CRB1: variants seen among roughly 807,000 people sequenced by gnomAD.
CRB1 encodes the protein protein crumbs homolog 1.
CRB1 carries 83 observed loss-of-function variants against 120.0 expected under a neutral mutation model. The observed-to-expected ratio is 0.69, with a 90% CI of 0.58 to 0.83. The LOEUF is 0.83. CRB1 is among the 40% of genes least tolerant of loss of function. CRB1 has a pLI of 0.00. For synonymous variants in CRB1, 625 were observed against 612.5 expected, an observed-to-expected ratio of 1.02 and a Z score of -0.30; for missense variants, 1,699 against 1,687.6, an observed-to-expected ratio of 1.01 and a Z score of -0.12.
At position 197,434,956 on chromosome 1, in the gene CRB1, T is replaced by A; in HGVS notation, c.3093T>A (p.Asp1031Glu). 2 of 1,613,970 alleles carry A rather than the reference T, an allele frequency of 1.2e-6. No individual in the cohort carries two copies. The highest frequency in any genetic ancestry group is 1.7e-6 in the Non-Finnish European group (2 of 1,179,894). ...TGACAAGTTTGCAGTCAGTGAATGA[T>A]GGCACATGGCACGAAGTGACCCTTT... ...LSLTSLQSVN[D>E]GTWHEVTLSM... Residue 1031 changes from aspartate to glutamate, a missense_variant, in exon 9 of 12, where the codon GAT becomes GAA. By Grantham distance (45) the Asp-to-Glu change is conservative. Transcript: ENST00000367400.
At chr1:197,260,440 A>G in the CRB1 span, among the ~76,000 whole-genome samples, 4 of 151,918 alleles carry the variant, frequency 2.6e-5, no homozygotes, top group Non-Finnish European at 5.9e-5. Flanking sequence ...AAATTTTAAT[A>G]TATGTATTTT....
At chr1:197,333,479 T>G (rs548769254) in intron 2 of CRB1, among the ~76,000 whole-genome samples, 3 of 152,354 alleles carry the variant, frequency 2.0e-5, no homozygotes, top group African/African-American at 7.2e-5. Context: ...TTAATGTACA[T>G]TTTTCTCATT....
intron 2 of CRB1, among the ~76,000 whole-genome samples, chr1:197,329,407 G>T (rs1658722711): frequency 6.6e-6 from 1 of 152,174 alleles, no homozygotes; most frequent in Admixed American, 6.5e-5. Context: ...TGGGTTTCTA[G>T]TGCTGACTTG....
chr1:197,461,550 G>A (rs749053012), intron 11 of CRB1, among the ~76,000 whole-genome samples: 1 of 152,138 alleles, frequency 6.6e-6, no homozygotes, highest in Non-Finnish European at 1.5e-5. Context: ...TGCATCCTGT[G>A]TGTTAGCTCT....
chr1:197,383,587 A>G (rs1248186227), intron 5 of CRB1, among the ~76,000 whole-genome samples: 1 of 152,204 alleles, frequency 6.6e-6, no homozygotes, highest in Non-Finnish European at 1.5e-5. Flanking sequence ...AGTTGAAAGA[A>G]ATGTCTTTTG....
At chr1:197,467,445 C>T (rs1454665539) in intron 11 of CRB1, among the ~76,000 whole-genome samples, 2 of 152,094 alleles carry the variant, frequency 1.3e-5, no homozygotes, top group Non-Finnish European at 2.9e-5. Context: ...GCTAGTATCA[C>T]ACTCAAGAAA....
intron 5 of CRB1, among the ~76,000 whole-genome samples, chr1:197,394,996 G>A (rs965277566): frequency 3.2e-4 from 49 of 152,064 alleles, no homozygotes; most frequent in Non-Finnish European, 3.8e-4. Context: ...AAGGAGCATC[G>A]TTTGTACCAT....
intron 1 of CRB1, among the ~76,000 whole-genome samples, chr1:197,276,433 A>G (rs555408894): frequency 2.0e-4 from 31 of 151,958 alleles, no homozygotes; most frequent in African/African-American, 7.5e-4. Flanking sequence ...GTAAATCTAT[A>G]TATCTGACAC....
At chr1:197,307,934 G>T (rs1657269568) in intron 1 of CRB1, among the ~76,000 whole-genome samples, 1 of 152,016 alleles carries the variant, frequency 6.6e-6, no homozygotes, top group Non-Finnish European at 1.5e-5. Flanking sequence ...TCTCATTACT[G>T]GGTATATATA....
intron 5 of CRB1, among the ~76,000 whole-genome samples, chr1:197,412,323 A>T (rs1663753772): frequency 6.6e-6 from 1 of 152,242 alleles, no homozygotes; most frequent in Middle Eastern, 3.2e-3. Flanking sequence ...AGCATGCTCC[A>T]AGCATTTATA....
intron 5 of CRB1, among the ~76,000 whole-genome samples, chr1:197,418,297 G>C (rs1040832076): frequency 2.0e-5 from 3 of 152,078 alleles, no homozygotes; most frequent in African/African-American, 7.2e-5. Flanking sequence ...CACCCCTTTA[G>C]AATATACTGT....
At chr1:197,243,650 T>C in the CRB1 span, among the ~76,000 whole-genome samples, 1 of 152,186 alleles carries the variant, frequency 6.6e-6, no homozygotes, top group East Asian at 1.9e-4. Context: ...GTATATTTTA[T>C]TGATTTGGGG....
At chr1:197,224,010 A>G in the CRB1 span, among the ~76,000 whole-genome samples, 3 of 152,136 alleles carry the variant, frequency 2.0e-5, no homozygotes, top group African/African-American at 4.8e-5. Flanking sequence ...TTGTGGTCCA[A>G]CTTCATCCTG....
At chr1:197,458,538 C>T (rs1356202101) in intron 11 of CRB1, among the ~76,000 whole-genome samples, 3 of 152,088 alleles carry the variant, frequency 2.0e-5, no homozygotes, top group Non-Finnish European at 4.4e-5. Flanking sequence ...ACAGGATAAG[C>T]TGACATTCTG....
chr1:197,228,159 T>G, the CRB1 span, among the ~76,000 whole-genome samples: 1 of 152,154 alleles, frequency 6.6e-6, no homozygotes, highest in Non-Finnish European at 1.5e-5. Context: ...GGAGACATTT[T>G]CCCCCTTGTT....
At chr1:197,280,874 A>T (rs552939760) in intron 1 of CRB1, among the ~76,000 whole-genome samples, 57 of 152,002 alleles carry the variant, frequency 3.7e-4, no homozygotes, top group Non-Finnish European at 7.2e-4. Context: ...GTATGTAATC[A>T]TATTTTATAA....
chr1:197,428,111 C>T (rs1664693424), intron 7 of CRB1, 110 bp downstream of exon 7: 1 of 930,210 alleles, frequency 1.1e-6, no homozygotes, highest in East Asian at 2.6e-5. Context: ...TGTTACTGAC[C>T]CACCAGTATA....
intron 7 of CRB1, among the ~76,000 whole-genome samples, chr1:197,428,752 TG>T (rs1664723298): frequency 6.6e-6 from 1 of 152,242 alleles, no homozygotes; most frequent in African/African-American, 2.4e-5. Flanking sequence ...AGGACTACTG[TG>T]GAAAGCAAGC....
At chr1:197,365,696 G>A (rs1461047746) in intron 5 of CRB1, among the ~76,000 whole-genome samples, 2 of 138,580 alleles carry the variant, frequency 1.4e-5, no homozygotes, top group Admixed American at 1.5e-4. Context: ...CTCGCCTTGT[G>A]TTGTAGGTGG....
Sources: allele counts gnomAD v4.1 joint callset (sites outside exome capture counted in the v4.1 genomes callset), GRCh38; gene constraint gnomAD v4.1.1; transcripts MANE v1.5; gene names NCBI Gene and HGNC (gene_info 2026-07-23, HGNC 2026-07-21).